PABPC4L: variants seen among roughly 807,000 people sequenced by gnomAD.
PABPC4L encodes the protein polyadenylate-binding protein 4-like.
For missense variants in PABPC4L, 452 were observed against 451.4 expected (o/e 1.00, Z -0.01); for synonymous variants, 169 against 164.1 (o/e 1.03, Z -0.23).
the PABPC4L span, among the ~76,000 whole-genome samples, chr4:133,996,368 G>A: frequency 6.6e-6 from 1 of 152,080 alleles, no homozygotes; most frequent in African/African-American, 2.4e-5. Context: ...CTTATTCTGA[G>A]AACCATGGGT....
the PABPC4L span, among the ~76,000 whole-genome samples, chr4:133,984,525 G>A: frequency 1.3e-5 from 2 of 151,820 alleles, no homozygotes; most frequent in Admixed American, 1.3e-4. Flanking sequence ...CATGTAGGTA[G>A]ACTAGATAGT....
At chr4:133,978,930 G>A in the PABPC4L span, 16 of 152,228 alleles carry the variant, frequency 1.1e-4, no homozygotes, top group South Asian at 2.9e-3. Flanking sequence ...TGTCAGTTAT[G>A]ACCTTATAAA....
At chr4:134,030,500 T>C in the PABPC4L span, among the ~76,000 whole-genome samples, 1 of 152,054 alleles carries the variant, frequency 6.6e-6, no homozygotes, top group Non-Finnish European at 1.5e-5. Flanking sequence ...TCAATCCACC[T>C]CTTCTGCAAT....
Position 134,199,947 on chromosome 4 carries a change from C to G in PABPC4L, c.1073G>C (p.Gly358Ala). 1.2e-5 allele frequency: 19 copies of G among 1,551,612 alleles called. No homozygotes were observed. Among genetic ancestry groups the G allele is most frequent in the Non-Finnish European group, 1.6e-5 (18 of 1,146,960 alleles). ...CAAGGCAATGCTAAGAGGTTTGGAG[C>G]CCAAGATGCGGCCATTCATCTCAGT... ...AMTEMNGRIL[G>A]SKPLSIALAQ... The change falls in exon 2 of 2, where the codon GGC (glycine) becomes GCC (alanine). Residue 358 changes from glycine (G) to alanine (A), a missense_variant. Physicochemically the swap from Gly to Ala is moderately conservative, Grantham distance 60. Coordinates refer to ENST00000421491, the MANE Select transcript of PABPC4L (RefSeq NM_001114734.2).
the PABPC4L span, among the ~76,000 whole-genome samples, chr4:134,007,175 A>G: frequency 6.6e-6 from 1 of 151,912 alleles, no homozygotes; most frequent in Non-Finnish European, 1.5e-5. Flanking sequence ...GGAAAGACTA[A>G]GCATAAGATA....
the PABPC4L span, among the ~76,000 whole-genome samples, chr4:133,954,278 C>A: frequency 2.0e-5 from 3 of 152,148 alleles, no homozygotes; most frequent in African/African-American, 7.2e-5. Flanking sequence ...TGGGTGAGCG[C>A]TCTTTACTAC....
At chr4:134,129,156 G>C in the PABPC4L span, among the ~76,000 whole-genome samples, 1 of 151,984 alleles carries the variant, frequency 6.6e-6, no homozygotes, top group Non-Finnish European at 1.5e-5. Flanking sequence ...CCTAACACTG[G>C]AGCTCCCAAA....
the PABPC4L span, among the ~76,000 whole-genome samples, chr4:134,111,452 G>A: frequency 4.0e-5 from 6 of 151,858 alleles, no homozygotes; most frequent in African/African-American, 1.5e-4. Flanking sequence ...ACACACATGT[G>A]TATGTAACTG....
At chr4:134,097,527 C>G in the PABPC4L span, among the ~76,000 whole-genome samples, 1 of 151,890 alleles carries the variant, frequency 6.6e-6, no homozygotes, top group Non-Finnish European at 1.5e-5. Flanking sequence ...ACTCATAATT[C>G]ACTTTGGATT....
the PABPC4L span, among the ~76,000 whole-genome samples, chr4:134,052,842 G>T: frequency 6.6e-6 from 1 of 152,052 alleles, no homozygotes; most frequent in Non-Finnish European, 1.5e-5. Context: ...AAATAAAAAT[G>T]TGTGTGTGTG....
chr4:134,038,710 C>A, the PABPC4L span, among the ~76,000 whole-genome samples: 151 of 152,076 alleles, frequency 9.9e-4, no homozygotes, highest in Non-Finnish European at 1.7e-3. Context: ...ATTCTTCTCT[C>A]TTTTCTTCTT....
the PABPC4L span, among the ~76,000 whole-genome samples, chr4:134,002,932 G>GC: frequency 6.6e-6 from 1 of 151,786 alleles, no homozygotes; most frequent in Non-Finnish European, 1.5e-5. Context: ...GGAGTCTATT[G>GC]TTTTTCATGC....
chr4:133,995,277 G>T, the PABPC4L span, among the ~76,000 whole-genome samples: 2 of 152,036 alleles, frequency 1.3e-5, no homozygotes, highest in Non-Finnish European at 2.9e-5. Context: ...CTCCCTCTTC[G>T]TATGACCTGA....
the PABPC4L span, among the ~76,000 whole-genome samples, chr4:133,999,697 T>C: frequency 0.47 from 71,965 of 151,710 alleles, 18,633 homozygotes; most frequent in African/African-American, 0.65. Flanking sequence ...AAAGTTTCCA[T>C]GGGAGTACAG....
chr4:134,087,567 C>T, the PABPC4L span, among the ~76,000 whole-genome samples: 1 of 152,154 alleles, frequency 6.6e-6, no homozygotes, highest in Non-Finnish European at 1.5e-5. Flanking sequence ...CAGTGCAATG[C>T]AGTCTCTGGA....
At chr4:134,038,414 T>A in the PABPC4L span, among the ~76,000 whole-genome samples, 1 of 152,198 alleles carries the variant, frequency 6.6e-6, no homozygotes, top group African/African-American at 2.4e-5. Flanking sequence ...CTCCTCTTTG[T>A]ACCTCTGGTA....
At chr4:134,135,037 G>T in the PABPC4L span, among the ~76,000 whole-genome samples, 49 of 152,092 alleles carry the variant, frequency 3.2e-4, 1 homozygote, top group South Asian at 4.8e-3. Context: ...GAGAACTAGC[G>T]AATTAATACA....
chr4:134,147,049 A>G, the PABPC4L span, among the ~76,000 whole-genome samples: 1 of 152,098 alleles, frequency 6.6e-6, no homozygotes, highest in Non-Finnish European at 1.5e-5. Context: ...CTTTATTTTT[A>G]TCTTGATAGA....
chr4:134,169,979 A>G, the PABPC4L span, among the ~76,000 whole-genome samples: 1 of 152,168 alleles, frequency 6.6e-6, no homozygotes, highest in Non-Finnish European at 1.5e-5. Flanking sequence ...TTACTAAGGT[A>G]ATAAGCACAG....
Sources: allele counts gnomAD v4.1 joint callset (sites outside exome capture counted in the v4.1 genomes callset), GRCh38; gene constraint gnomAD v4.1.1; transcripts MANE v1.5; gene names NCBI Gene and HGNC (gene_info 2026-07-23, HGNC 2026-07-21).